Variants in ZCCHC4 observed in about 807,000 individuals in gnomAD.
ZCCHC4 encodes zinc finger CCHC-type containing 4, also known as rRNA N(6)-adenosine-methyltransferase ZCCHC4.
Under a neutral mutation model 67.7 loss-of-function variants are expected in ZCCHC4, and 54 were observed. The observed-to-expected ratio is 0.80, with a 90% CI of 0.64 to 1.00. ZCCHC4 has a LOEUF of 1.00. ZCCHC4 is among the 50% of genes least tolerant of loss of function. The pLI, the probability that ZCCHC4 is intolerant of heterozygous loss-of-function variation, is 0.00. For missense variants in ZCCHC4, 609 were observed against 617.0 expected, an observed-to-expected ratio of 0.99 and a Z score of 0.14; for synonymous variants, 198 against 213.5, an observed-to-expected ratio of 0.93 and a Z score of 0.63.
Position 25,365,182 on chromosome 4 carries a change from T to C in ZCCHC4, c.1406+16T>C, listed in dbSNP as rs920387996. 2.5e-6 allele frequency: 4 copies of C among 1,612,582 alleles called. No individual in the cohort carries two copies. Among genetic ancestry groups the C allele is most frequent in the Non-Finnish European group, 2.5e-6 (3 of 1,179,298 alleles). ...GAGCTAACAAGTCAGTCGAATACTTTACTAGAAAAATGTATTCCATCTGTG... is the reference window on the plus strand; with the variant it reads ...GAGCTAACAAGTCAGTCGAATACTTCACTAGAAAAATGTATTCCATCTGTG... On this transcript the variant is annotated intron_variant, in intron 12 of 12. Transcript: ENST00000302874.
intron 3 of ZCCHC4, among the ~76,000 whole-genome samples, chr4:25,323,040 G>C (rs955579839): frequency 1.3e-5 from 2 of 152,156 alleles, no homozygotes; most frequent in Non-Finnish European, 2.9e-5. Flanking sequence ...GATAATGTTT[G>C]GTTGTTCCTT....
rs1298281956 is a variant in ZCCHC4, at chr4:25,361,866, A to T, written c.1019A>T (p.Tyr340Phe). The part of the protein sequence containing the change: ...SFQMLDYQVD[Y>F]DNHALYKHGK... ...TAATTTTTAACTTTCTAGGTAGATT[A>T]TGATAATCATGCACTTTATAAACAC... is the stretch of plus-strand genomic sequence containing the variant. Residue 340 changes from tyrosine (Y) to phenylalanine (F), a missense_variant, in exon 9 of 13, where the codon TAT (tyrosine) becomes TTT (phenylalanine). Physicochemically the swap from Tyr to Phe is conservative, Grantham distance 22 (BLOSUM62 3). Coordinates refer to ENST00000302874, the MANE Select transcript of ZCCHC4 (RefSeq NM_024936.3). The T allele has an allele frequency of 1.9e-6, 3 of 1,604,336 alleles. No homozygotes were observed. Among genetic ancestry groups the T allele is most frequent in the Non-Finnish European group, 2.6e-6 (3 of 1,175,446 alleles).
intron 6 of ZCCHC4, among the ~76,000 whole-genome samples, chr4:25,348,278 G>A (rs1313014389): frequency 6.6e-6 from 1 of 152,084 alleles, no homozygotes; most frequent in Non-Finnish European, 1.5e-5. Flanking sequence ...TCTTATCAGT[G>A]GGATCTTCTA....
intron 3 of ZCCHC4, among the ~76,000 whole-genome samples, chr4:25,330,749 C>T (rs548448603): frequency 6.6e-6 from 1 of 152,276 alleles, no homozygotes; most frequent in South Asian, 2.1e-4. Context: ...TACTTGAGTA[C>T]TTGTGTATTG....
At chr4:25,325,212 C>T (rs1416252957) in intron 3 of ZCCHC4, among the ~76,000 whole-genome samples, 1 of 126,570 alleles carries the variant, frequency 7.9e-6, no homozygotes, top group African/African-American at 2.7e-5. Flanking sequence ...CCACTGCACT[C>T]CAGCCTGGGC....
At chr4:25,344,198 A>G (rs1467262737) in intron 5 of ZCCHC4, among the ~76,000 whole-genome samples, 1 of 152,144 alleles carries the variant, frequency 6.6e-6, no homozygotes, top group Admixed American at 6.5e-5. Flanking sequence ...GCAGGAATTT[A>G]TAAAATGTTA....
chr4:25,316,471 C>T (rs1476506725), intron 3 of ZCCHC4, among the ~76,000 whole-genome samples: 1 of 152,188 alleles, frequency 6.6e-6, no homozygotes, highest in Non-Finnish European at 1.5e-5. Flanking sequence ...CGCATCCTTG[C>T]CAACACCTAT....
At position 25,362,288 on chromosome 4, in the gene ZCCHC4, C is replaced by T. The variant is rs1720773692; in HGVS notation, c.1196C>T (p.Ser399Phe). The T allele has an allele frequency of 6.2e-7, 1 of 1,601,312 alleles. No homozygotes were observed. The highest frequency in any genetic ancestry group is 1.7e-5 in the Admixed American group (1 of 59,330). ...AATCAACACTGTGAGCTCTGTAATT[C>T]TTGCACATCCAAGGTATGGTGTTCT... is the stretch of plus-strand genomic sequence containing the variant. ...LENQHCELCN[S>F]CTSKDGRKWN... Residue 399 changes from serine (S) to phenylalanine (F), a missense_variant, in exon 10 of 13, where the codon TCT becomes TTT. By Grantham distance (155) the Ser-to-Phe change is radical. Coordinates refer to ENST00000302874, the MANE Select transcript of ZCCHC4 (RefSeq NM_024936.3).
At position 25,312,912 on chromosome 4, in the gene ZCCHC4, G is replaced by A. The variant is rs370977787; in HGVS notation, c.103G>A (p.Val35Ile). 79 of 1,612,618 alleles carry A rather than the reference G, an allele frequency of 4.9e-5. No individual in the cohort carries two copies. Among genetic ancestry groups the A allele is most frequent in the Middle Eastern group, 1.9e-4 (1 of 5,300 alleles). Residue 35 changes from valine (V) to isoleucine (I), a missense_variant, in exon 1 of 13, where the codon GTC (valine) becomes ATC (isoleucine). By Grantham distance (29) the Val-to-Ile change is conservative. Coordinates refer to ENST00000302874, the MANE Select transcript of ZCCHC4 (RefSeq NM_024936.3). ...GGTGGTGCTTCCTTTGGATCCTGCCGTCCCCGCCCCGCTGTGCCCTCACGG... is the reference window on the plus strand; with the variant it reads ...GGTGGTGCTTCCTTTGGATCCTGCCATCCCCGCCCCGCTGTGCCCTCACGG... The part of the protein sequence containing the change: ...MEVVLPLDPA[V>I]PAPLCPHGPT...
At chr4:25,318,699 G>C (rs1718412384) in intron 3 of ZCCHC4, among the ~76,000 whole-genome samples, 1 of 151,774 alleles carries the variant, frequency 6.6e-6, no homozygotes, top group Non-Finnish European at 1.5e-5. Flanking sequence ...ATATTTTTTT[G>C]ATAAAAATTT....
At position 25,369,412 on chromosome 4, in the gene ZCCHC4, C is replaced by G. The variant is rs1291786451; in HGVS notation, c.*248C>G. On this transcript the variant is annotated 3_prime_UTR_variant, in exon 13 of 13. Transcript: ENST00000302874. ...TCATTTTTCCTCACTTTAAGTCTCT[C>G]CCAGTCACATTGTTCTATTTTTATG... 2.1e-6 allele frequency: 1 copy of G among 465,322 alleles called. No homozygotes were observed. Among genetic ancestry groups the G allele is most frequent in the Non-Finnish European group, 3.8e-6 (1 of 266,398 alleles). The allele number at this position is 465,322 out of a possible 1,614,324, so 28.8% of individuals were successfully genotyped here. A position where few individuals can be genotyped will look rare whatever the true frequency, so the allele number is the denominator to read the frequency against.
In ZCCHC4 at chr4:25,315,341, C is replaced by T. The variant is rs1171091106; in HGVS notation, c.270C>T (p.Ala90=). The T allele has an allele frequency of 2.5e-6, 4 of 1,612,872 alleles. No individual in the cohort carries two copies. Among genetic ancestry groups the T allele is most frequent in the Non-Finnish European group, 3.4e-6 (4 of 1,179,352 alleles). ...DEKLSGARLA[A]REAHNRRCQP... ...AGTTGTCAGGAGCTAGACTTGCTGC[C>T]CGAGAAGCTCATAACCGAAGATGTC... Residue 90 remains alanine (A), a synonymous_variant, in exon 3 of 13, where the codon GCC becomes GCT. Coordinates refer to ENST00000302874, the MANE Select transcript of ZCCHC4 (RefSeq NM_024936.3).
intron 3 of ZCCHC4, among the ~76,000 whole-genome samples, chr4:25,320,408 T>A (rs941984328): frequency 1.3e-5 from 2 of 152,186 alleles, no homozygotes; most frequent in African/African-American, 4.8e-5. Context: ...CAAGGTCTGC[T>A]CTTAGAGAAA....
rs61227153 is a variant in ZCCHC4, at chr4:25,314,015, C to CTTTTTTTT, written c.128-23_128-16dup. The stretch of plus-strand genomic sequence containing the variant: ...TGACGTAGATGACCATTACTTGACA[C>CTTTTTTTT]TTTTTTTTTTTTTTTCTATTCTGGA... On this transcript the variant is annotated intron_variant, in intron 1 of 12. Coordinates refer to ENST00000302874, the MANE Select transcript of ZCCHC4 (RefSeq NM_024936.3). 44 of 1,022,604 alleles carry CTTTTTTTT rather than the reference C, an allele frequency of 4.3e-5. 2 individuals carry two copies. The highest frequency in any genetic ancestry group is 6.8e-5 in the South Asian group (4 of 58,450). The allele number at this position is 1,022,604 out of a possible 1,614,324, so 63.3% of individuals were successfully genotyped here.
At chr4:25,314,701 C>T (rs541418293) in intron 2 of ZCCHC4, among the ~76,000 whole-genome samples, 4 of 152,264 alleles carry the variant, frequency 2.6e-5, no homozygotes, top group African/African-American at 4.8e-5. Context: ...CTCTCAAAGG[C>T]GCCTCATTTA....
At chr4:25,343,254 C>T (rs1327813866) in intron 5 of ZCCHC4, among the ~76,000 whole-genome samples, 2 of 152,114 alleles carry the variant, frequency 1.3e-5, no homozygotes, top group African/African-American at 2.4e-5. Context: ...TTCCAGTTAT[C>T]TAAACCTTTT....
intron 5 of ZCCHC4, among the ~76,000 whole-genome samples, chr4:25,338,168 T>G (rs1719555355): frequency 6.6e-6 from 1 of 152,198 alleles, no homozygotes. Context: ...CTCAGCTCAC[T>G]GCAGCCTCAA....
chr4:25,359,918 T>C lies in ZCCHC4; in HGVS notation c.1012-1941T>C, dbSNP rs1720657637. 6.6e-6 allele frequency among the ~76,000 whole-genome samples: 1 copy of C among 152,238 alleles called. No homozygotes were observed. The highest frequency in any genetic ancestry group is 1.5e-5 in the Non-Finnish European group (1 of 68,036). On this transcript the variant is annotated intron_variant, in intron 8 of 12. Coordinates refer to ENST00000302874, the MANE Select transcript of ZCCHC4 (RefSeq NM_024936.3). The surrounding 1 kb of genome is among the most constrained non-coding windows in gnomAD (Gnocchi z 4.9). ...TAGCAATCCACTGGTCTCCCACCAA[T>C]GTACAGCAAGTGCTGGTGCTGGTAG...
intron 5 of ZCCHC4, among the ~76,000 whole-genome samples, chr4:25,336,642 A>C (rs1214098511): frequency 1.3e-5 from 2 of 152,142 alleles, no homozygotes; most frequent in Non-Finnish European, 1.5e-5. Flanking sequence ...GTGCGCTGCC[A>C]TGTGCAGCTA....
Sources: allele counts gnomAD v4.1 joint callset (sites outside exome capture counted in the v4.1 genomes callset), GRCh38; gene constraint gnomAD v4.1.1; non-coding constraint Gnocchi (gnomAD v3.1); transcripts MANE v1.5; gene names NCBI Gene and HGNC (gene_info 2026-07-23, HGNC 2026-07-21).